CDX1: variants seen among roughly 807,000 people sequenced by gnomAD.
CDX1 encodes caudal type homeobox 1, also known as homeobox protein CDX-1.
In CDX1, 9 loss-of-function variants were observed where a neutral mutation model predicts 16.9. That is an observed-to-expected ratio of 0.53 (90% CI 0.32 to 0.93). The LOEUF (loss-of-function observed/expected upper bound fraction) is 0.93, where lower values mean the gene tolerates loss of function less well. Ranked by LOEUF, CDX1 falls within the 40% of genes least tolerant of loss-of-function variation. The pLI, the probability that CDX1 is intolerant of heterozygous loss-of-function variation, is 0.04. For synonymous variants in CDX1, 179 were observed against 179.0 expected (o/e 1.00, Z 0.00); for missense variants, 393 against 386.1 (o/e 1.02, Z -0.15).
At chr5:150,179,334 G>A (rs1370113068) in intron 1 of CDX1, among the ~76,000 whole-genome samples, 1 of 152,218 alleles carries the variant, frequency 6.6e-6, no homozygotes, top group Non-Finnish European at 1.5e-5. Context: ...AGAGAGGAGT[G>A]ACAAGGCCTG....
chr5:150,170,587 G>A (rs939736951), intron 1 of CDX1, among the ~76,000 whole-genome samples: 1 of 152,192 alleles, frequency 6.6e-6, no homozygotes, highest in East Asian at 1.9e-4. Flanking sequence ...TGGGACCTGT[G>A]ACTGTCAAGC....
Position 150,166,966 on chromosome 5 carries a change from C to T in CDX1, c.90C>T (p.Tyr30=), listed in dbSNP as rs1041657831. The change falls in exon 1 of 3, where the codon TAC becomes TAT. Residue 30 remains tyrosine, a synonymous_variant. Transcript: ENST00000231656. ...GCCTCGGCCTGGGCCCGCAAGCCTA[C>T]GGCCCCCCGGCCCCGCCCCCGGCGC... The part of the protein sequence containing the change: ...PASLGLGPQA[Y]GPPAPPPAPP... 4 of 1,459,348 alleles carry T rather than the reference C, an allele frequency of 2.7e-6. No individual in the cohort carries two copies. Among genetic ancestry groups the T allele is most frequent in the East Asian group, 3.0e-5 (1 of 33,438 alleles). 90.4% of individuals were successfully genotyped at this position (1,459,348 alleles called of 1,614,324 possible). A position where few individuals can be genotyped will look rare whatever the true frequency, so the allele number is the denominator to read the frequency against.
Position 150,166,851 on chromosome 5 carries a change from C to A in CDX1, c.-26C>A. The A allele has an allele frequency of 7.0e-7, 1 of 1,434,570 alleles. No individual in the cohort carries two copies. The highest frequency in any genetic ancestry group is 9.2e-7 in the Non-Finnish European group (1 of 1,092,758). The allele number at this position is 1,434,570 out of a possible 1,614,324, so 88.9% of individuals were successfully genotyped here. On this transcript the variant is annotated 5_prime_UTR_variant, in exon 1 of 3. Coordinates refer to ENST00000231656, the MANE Select transcript of CDX1 (RefSeq NM_001804.3). ...CGGCAGCGGCGGCTCCAGGGCCCAG[C>A]ATGCGCGGGGGACCCCGCGGCCACC... is the stretch of plus-strand genomic sequence containing the variant.
chr5:150,181,453 T>G (rs1348494661), intron 1 of CDX1, among the ~76,000 whole-genome samples: 1 of 152,134 alleles, frequency 6.6e-6, no homozygotes, highest in African/African-American at 2.4e-5. Flanking sequence ...TTTTTGTATT[T>G]TTTAGTAGAG....
chr5:150,181,224 C>T (rs572071869), intron 1 of CDX1, among the ~76,000 whole-genome samples: 1 of 152,150 alleles, frequency 6.6e-6, no homozygotes, highest in East Asian at 1.9e-4. Flanking sequence ...ACTTGCTGTT[C>T]CCTCTGCCTA....
chr5:150,183,719 C>A lies in CDX1; in HGVS notation c.*39C>A. Reference sequence around the variant, plus strand: ...CTGTGCGCCGGGGGACCTGGGGACTCGGGTGCTGGGAGTGTGGCTCCTGTG... The same window carrying A: ...CTGTGCGCCGGGGGACCTGGGGACTAGGGTGCTGGGAGTGTGGCTCCTGTG... On this transcript the variant is annotated 3_prime_UTR_variant, in exon 3 of 3. Coordinates refer to ENST00000231656, the MANE Select transcript of CDX1 (RefSeq NM_001804.3). 2 of 1,459,604 alleles carry A rather than the reference C, an allele frequency of 1.4e-6. No homozygotes were observed. Among genetic ancestry groups the A allele is most frequent in the Admixed American group, 2.4e-5 (1 of 41,022 alleles). The allele number at this position is 1,459,604 out of a possible 1,614,324, so 90.4% of individuals were successfully genotyped here.
intron 1 of CDX1, among the ~76,000 whole-genome samples, chr5:150,176,995 T>C (rs717746): frequency 1.3e-5 from 2 of 152,208 alleles, no homozygotes; most frequent in East Asian, 1.9e-4. Flanking sequence ...GTCCAGGCCT[T>C]GGGGGGCCAA....
rs1422551693 is a variant in CDX1 at position 150,166,871 on chromosome 5, G to A, written c.-6G>A. ...CCCAGCATGCGCGGGGGACCCCGCG[G>A]CCACCATGTATGTGGGCTATGTGCT... On this transcript the variant is annotated 5_prime_UTR_variant, in exon 1 of 3. Coordinates refer to ENST00000231656, the MANE Select transcript of CDX1 (RefSeq NM_001804.3). 6.8e-7 allele frequency: 1 copy of A among 1,480,814 alleles called. No homozygotes were observed. Among genetic ancestry groups the A allele is most frequent in the Non-Finnish European group, 8.9e-7 (1 of 1,120,616 alleles). The allele number at this position is 1,480,814 out of a possible 1,614,324, so 91.7% of individuals were successfully genotyped here. A position where few individuals can be genotyped will look rare whatever the true frequency, so the allele number is the denominator to read the frequency against.
In CDX1 at chr5:150,167,124, C is replaced by T; in HGVS notation, c.248C>T (p.Pro83Leu). The T allele has an allele frequency of 7.5e-7, 1 of 1,334,016 alleles. No individual in the cohort carries two copies. The highest frequency in any genetic ancestry group is 9.5e-7 in the Non-Finnish European group (1 of 1,051,202). The allele number at this position is 1,334,016 out of a possible 1,614,324, so 82.6% of individuals were successfully genotyped here. The change falls in exon 1 of 3, where the codon CCT becomes CTT. Residue 83 changes from proline (P) to leucine (L), a missense_variant. Pro to Leu is a moderately conservative substitution (Grantham distance 98). Transcript: ENST00000231656. ...GCCTACGGCCCGGGCCCCGCGGCCC[C>T]TGCCGCCAGCCCAGCTTCGCTGGCA... The part of the protein sequence containing the change: ...AAAYGPGPAA[P>L]AASPASLAFG...
At chr5:150,168,874 T>C (rs757343434) in intron 1 of CDX1, among the ~76,000 whole-genome samples, 1 of 152,208 alleles carries the variant, frequency 6.6e-6, no homozygotes, top group Non-Finnish European at 1.5e-5. Flanking sequence ...CTTTGAAAAA[T>C]CTGCTGAAAG....
At chr5:150,180,278 C>G (rs1250997912) in intron 1 of CDX1, among the ~76,000 whole-genome samples, 1 of 152,230 alleles carries the variant, frequency 6.6e-6, no homozygotes. Flanking sequence ...GCAGCCACTC[C>G]CTTATCCCTT....
In CDX1 at chr5:150,166,798, G is replaced by A; in HGVS notation, c.-79G>A. On this transcript the variant is annotated 5_prime_UTR_variant, in exon 1 of 3. The change creates a new upstream start codon in the 5' untranslated region. Coordinates refer to ENST00000231656, the MANE Select transcript of CDX1 (RefSeq NM_001804.3). The stretch of plus-strand genomic sequence containing the variant: ...GCGGCGGCAGGACAGCCGAGTTCAG[G>A]TGAGCGGTTGCTCGTCGTCGGGGCG... 1.9e-6 allele frequency: 2 copies of A among 1,051,432 alleles called. No individual in the cohort carries two copies. Among genetic ancestry groups the A allele is most frequent in the Non-Finnish European group, 2.6e-6 (2 of 783,842 alleles). 65.1% of individuals were successfully genotyped at this position (1,051,432 alleles called of 1,614,324 possible). A position where few individuals can be genotyped will look rare whatever the true frequency, so the allele number is the denominator to read the frequency against.
intron 1 of CDX1, among the ~76,000 whole-genome samples, chr5:150,175,880 A>G (rs868279235): frequency 3.9e-5 from 6 of 152,212 alleles, no homozygotes; most frequent in African/African-American, 1.4e-4. Flanking sequence ...GACTCCACCA[A>G]CATGCTCACT....
Position 150,178,505 on chromosome 5 carries a change from C to T in CDX1, c.446-4263C>T, listed in dbSNP as rs563802738. 2.0e-5 allele frequency among the ~76,000 whole-genome samples: 3 copies of T among 152,232 alleles called. No homozygotes were observed. In the South Asian group the frequency reaches 6.2e-4, roughly 32 times the overall value. On this transcript the variant is annotated intron_variant, in intron 1 of 2. Transcript: ENST00000231656. Reference sequence around the variant, plus strand: ...GCCTGTAAATAATTCATCCCCAGCCCTCTCCCCACCCCACTGCTCTCACAC... The same window carrying T: ...GCCTGTAAATAATTCATCCCCAGCCTTCTCCCCACCCCACTGCTCTCACAC...
chr5:150,173,339 C>A (rs768044365), intron 1 of CDX1, among the ~76,000 whole-genome samples: 3 of 152,174 alleles, frequency 2.0e-5, no homozygotes, highest in Non-Finnish European at 2.9e-5. Context: ...CAGAGAGCTG[C>A]CCTCTCTGCC....
At chr5:150,182,635 G>A (rs764572318) in intron 1 of CDX1, 133 bp from the exon 2 acceptor site, 8 of 784,940 alleles carry the variant, frequency 1.0e-5, no homozygotes, top group African/African-American at 3.6e-5. Flanking sequence ...AACCTGGAGT[G>A]TATGTCTCTC....
At chr5:150,169,521 C>T (rs1419869719) in intron 1 of CDX1, among the ~76,000 whole-genome samples, 3 of 152,144 alleles carry the variant, frequency 2.0e-5, no homozygotes, top group Admixed American at 2.0e-4. Context: ...CTTCCCAGGG[C>T]ATCTGACTGT....
chr5:150,182,193 G>A (rs1752458291), intron 1 of CDX1, among the ~76,000 whole-genome samples: 1 of 152,220 alleles, frequency 6.6e-6, no homozygotes, highest in South Asian at 2.1e-4. Flanking sequence ...GGAGGAAGGA[G>A]CAGCTGCCAT....
intron 2 of CDX1, 75 bp downstream of exon 2, chr5:150,182,988 G>T: frequency 6.8e-7 from 1 of 1,480,476 alleles, no homozygotes; most frequent in South Asian, 1.4e-5. Flanking sequence ...GCAGAGTACA[G>T]AGCTCAGTAG....
Sources: gnomAD v4.1 joint callset for allele counts (sites outside exome capture counted in the v4.1 genomes callset) on GRCh38, gnomAD v4.1.1 for gene constraint, MANE v1.5 for transcripts, NCBI Gene and HGNC (gene_info 2026-07-23, HGNC 2026-07-21) for gene names.